GORASP2: variants seen among roughly 807,000 people sequenced by gnomAD.
GORASP2 encodes the protein Golgi reassembly-stacking protein 2.
In GORASP2, 22 loss-of-function variants were observed where a neutral mutation model predicts 45.7. That is an observed-to-expected ratio of 0.48 (90% CI 0.34 to 0.69). The LOEUF is 0.69. Among genes scored for constraint, GORASP2 ranks in the 30% least tolerant of loss-of-function variants. GORASP2 has a pLI of 0.01. For synonymous variants in GORASP2, 221 were observed against 215.6 expected (o/e 1.02, Z -0.22); for missense variants, 491 against 562.7 (o/e 0.87, Z 1.29).
chr2:170,937,046 A>G (rs1253198988), intron 1 of GORASP2, among the ~76,000 whole-genome samples: 1 of 152,056 alleles, frequency 6.6e-6, no homozygotes, highest in Non-Finnish European at 1.5e-5. Context: ...CCTCTCTACA[A>G]AAAATACAAG....
At chr2:170,949,346 A>G (rs1341869386) in intron 2 of GORASP2, among the ~76,000 whole-genome samples, 193 bp from the exon 3 acceptor site, 1 of 152,240 alleles carries the variant, frequency 6.6e-6, no homozygotes, top group African/African-American at 2.4e-5. Context: ...AGTCAGTTTC[A>G]AGTTGTTGCT....
At chr2:170,939,175 G>C (rs1704019704) in intron 1 of GORASP2, among the ~76,000 whole-genome samples, 1 of 152,150 alleles carries the variant, frequency 6.6e-6, no homozygotes, top group Non-Finnish European at 1.5e-5. Context: ...TTTTTCTAAT[G>C]TACAGATCTT....
chr2:170,929,786 G>A, intron 1 of GORASP2: 1 of 488,508 alleles, frequency 2.0e-6, no homozygotes. Context: ...CCAAAGTGGT[G>A]ACTGTGAAGG....
In GORASP2 at chr2:170,929,332, C is replaced by A; in HGVS notation, c.-9C>A. The A allele has an allele frequency of 7.3e-7, 1 of 1,361,550 alleles. No homozygotes were observed. The highest frequency in any genetic ancestry group is 9.4e-7 in the Non-Finnish European group (1 of 1,058,282). The allele number at this position is 1,361,550 out of a possible 1,614,324, so 84.3% of individuals were successfully genotyped here. ...GAGCCCGGCTCGGCCACACCGATCG[C>A]CCGCCGCCATGGGCTCCTCGCAAAG... On this transcript the variant is annotated 5_prime_UTR_variant, in exon 1 of 10. Transcript: ENST00000234160.
In GORASP2 at chr2:170,966,182, T is replaced by C. The variant is rs766821845; in HGVS notation, c.*52T>C. 3.2e-6 allele frequency: 4 copies of C among 1,247,928 alleles called. No individual in the cohort carries two copies. The South Asian group carries it at 4.8e-5, about 15-fold the overall frequency. The allele number at this position is 1,247,928 out of a possible 1,614,324, so 77.3% of individuals were successfully genotyped here. A position where few individuals can be genotyped will look rare whatever the true frequency, so the allele number is the denominator to read the frequency against. On this transcript the variant is annotated 3_prime_UTR_variant, in exon 10 of 10. Coordinates refer to ENST00000234160, the MANE Select transcript of GORASP2 (RefSeq NM_015530.5). ...TGGTATATTTAACCACGGGAGCGTGTCTGGAAACGCAAACTATCATTAATT... is the reference window on the plus strand; with the variant it reads ...TGGTATATTTAACCACGGGAGCGTGCCTGGAAACGCAAACTATCATTAATT...
intron 1 of GORASP2, among the ~76,000 whole-genome samples, chr2:170,942,870 G>A (rs949757870): frequency 6.6e-6 from 1 of 152,102 alleles, no homozygotes; most frequent in Non-Finnish European, 1.5e-5. Context: ...GCCAATGCTT[G>A]TTACTCTCTT....
Position 170,962,864 on chromosome 2 carries a change from GCCCAACCTC to G in GORASP2, c.946_954del (p.Pro316_Leu318del), listed in dbSNP as rs768875059. 11 of 1,613,590 alleles carry G rather than the reference GCCCAACCTC, an allele frequency of 6.8e-6. No homozygotes were observed. Among genetic ancestry groups the G allele is most frequent in the Admixed American group, 6.7e-5 (4 of 59,962 alleles). The stretch of plus-strand genomic sequence containing the variant: ...GTCTGATGCCTTTACCAGCAGGACT[GCCCAACCTC>G]CCCAACCTCAACCTCAACCTCCCAG... On this transcript the variant is annotated inframe_deletion, in exon 9 of 10. Transcript: ENST00000234160.
intron 1 of GORASP2, among the ~76,000 whole-genome samples, chr2:170,936,923 T>G (rs1438564852): frequency 2.6e-5 from 4 of 152,180 alleles, no homozygotes; most frequent in African/African-American, 9.6e-5. Context: ...TAAAAAAAAT[T>G]TAAGGCTAGG....
At chr2:170,956,702 G>A (rs1011701271) in intron 7 of GORASP2, 143 bp downstream of exon 7, 2 of 628,570 alleles carry the variant, frequency 3.2e-6, no homozygotes, top group Non-Finnish European at 5.2e-6. Flanking sequence ...GAGCTCAGGA[G>A]TTCTAAACCA....
At position 170,954,737 on chromosome 2, in the gene GORASP2, A is replaced by G. The variant is rs1575476975; in HGVS notation, c.654A>G (p.Gln218=). ...EEGKKISLPG[Q]MAGTPITPLK... ...GAAAGAAAATTTCTCTTCCAGGACA[A>G]ATGGCTGGTACACCTATTACACCTC... The change falls in exon 6 of 10, where the codon CAA becomes CAG. Residue 218 remains glutamine (Q), a synonymous_variant. Coordinates refer to ENST00000234160, the MANE Select transcript of GORASP2 (RefSeq NM_015530.5). The G allele has an allele frequency of 6.2e-7, 1 of 1,613,652 alleles. No homozygotes were observed. Among genetic ancestry groups the G allele is most frequent in the African/African-American group, 1.3e-5 (1 of 74,926 alleles).
At chr2:170,929,510 C>T in intron 1 of GORASP2, 107 bp downstream of exon 1, 4 of 923,144 alleles carry the variant, frequency 4.3e-6, no homozygotes, top group South Asian at 2.3e-5. Flanking sequence ...GGCCCGATCC[C>T]GCGAAGGAGC....
intron 1 of GORASP2, among the ~76,000 whole-genome samples, chr2:170,931,105 A>G (rs1046558432): frequency 3.3e-5 from 5 of 152,222 alleles, no homozygotes; most frequent in Admixed American, 1.3e-4. Flanking sequence ...GTGAAACAGC[A>G]TTCATACATA....
intron 9 of GORASP2, 88 bp downstream of exon 9, chr2:170,963,034 A>C: frequency 1.2e-6 from 1 of 826,438 alleles, no homozygotes; most frequent in Non-Finnish European, 2.1e-6. Context: ...TTCTGGAGAG[A>C]GCAAATCAGT....
At chr2:170,954,569 AC>A (rs1704377610) in intron 5 of GORASP2, 80 bp from the exon 6 acceptor site, 5 of 1,137,564 alleles carry the variant, frequency 4.4e-6, no homozygotes, top group Non-Finnish European at 5.1e-6. Context: ...CTCTTGGGTT[AC>A]CCGCCCCCCC....
intron 4 of GORASP2, 39 bp downstream of exon 4, chr2:170,950,329 A>C: frequency 1.0e-6 from 1 of 998,760 alleles, no homozygotes; most frequent in Non-Finnish European, 1.5e-6. Flanking sequence ...ACTATATAAA[A>C]TTTTCTCATT....
At chr2:170,950,392 T>A in intron 4 of GORASP2, 102 bp downstream of exon 4, 1 of 596,454 alleles carries the variant, frequency 1.7e-6, no homozygotes, top group Non-Finnish European at 2.9e-6. Flanking sequence ...AGTTAAAATT[T>A]CAGTCTTTGC....
intron 7 of GORASP2, among the ~76,000 whole-genome samples, chr2:170,960,256 C>T (rs922812411): frequency 5.9e-5 from 9 of 152,194 alleles, no homozygotes; most frequent in Non-Finnish European, 1.0e-4. Context: ...CAATGTGTAA[C>T]ATACAGTAGG....
chr2:170,964,329 C>G (rs1454496371), intron 9 of GORASP2, among the ~76,000 whole-genome samples: 3 of 152,282 alleles, frequency 2.0e-5, no homozygotes, highest in East Asian at 3.9e-4. Context: ...TATTCCTTAA[C>G]CTACTTAGTT....
chr2:170,934,298 G>A (rs1377499987), intron 1 of GORASP2, among the ~76,000 whole-genome samples: 1 of 146,228 alleles, frequency 6.8e-6, no homozygotes, highest in African/African-American at 2.5e-5. Flanking sequence ...TTTTTGAGAT[G>A]GAGTTTCGCT....
Sources: gnomAD v4.1 joint callset for allele counts (sites outside exome capture counted in the v4.1 genomes callset) on GRCh38, gnomAD v4.1.1 for gene constraint, MANE v1.5 for transcripts, NCBI Gene and HGNC (gene_info 2026-07-23, HGNC 2026-07-21) for gene names.